USP32: variants seen among roughly 807,000 people sequenced by gnomAD.
USP32 encodes the protein ubiquitin specific peptidase 32.
USP32 carries 59 observed loss-of-function variants against 204.8 expected under a neutral mutation model. The ratio of observed to expected loss-of-function variants is 0.29; its 90% CI spans 0.23 to 0.36. The LOEUF (loss-of-function observed/expected upper bound fraction) is 0.36. USP32 is among the 10% of genes least tolerant of loss of function. The probability of loss-of-function intolerance (pLI) is 1.00; values close to 1 mark genes in which losing one functional copy is unlikely to be tolerated. For missense variants in USP32, 1,160 were observed against 1,946.4 expected, an observed-to-expected ratio of 0.60 and a Z score of 7.60; for synonymous variants, 517 against 678.4, an observed-to-expected ratio of 0.76 and a Z score of 3.70.
At chr17:60,197,831 G>A (rs1041907158) in intron 27 of USP32, among the ~76,000 whole-genome samples, 6 of 152,168 alleles carry the variant, frequency 3.9e-5, no homozygotes, top group African/African-American at 1.4e-4. Context: ...AAAAAAGAAT[G>A]ACATGGTATG....
In USP32 at chr17:60,297,169, G is replaced by A. The variant is rs372198767; in HGVS notation, c.293-2368C>T. On this transcript the variant is annotated intron_variant, in intron 3 of 33. Transcript: ENST00000300896. Reference sequence around the variant, plus strand: ...TCCCAGCACCTTGGGATGCCAAGACGAGAGAATCATTTGAGGCCAGGAGTT... The same window carrying A: ...TCCCAGCACCTTGGGATGCCAAGACAAGAGAATCATTTGAGGCCAGGAGTT... Among the ~76,000 whole-genome samples the A allele has an allele frequency of 1.4e-3, 211 of 152,240 alleles. 1 individual carries two copies. The highest frequency in any genetic ancestry group is 4.6e-3 in the African/African-American group (190 of 41,536).
intron 16 of USP32, among the ~76,000 whole-genome samples, chr17:60,218,288 G>A (rs1047822228): frequency 6.6e-6 from 1 of 152,086 alleles, no homozygotes; most frequent in Non-Finnish European, 1.5e-5. Flanking sequence ...GGAGGCTGAG[G>A]CAGGAGAATG....
Position 60,401,607 on chromosome 17 carries a change from G to A in USP32, c.106+20639C>T, listed in dbSNP as rs577888276. ...AGTAGACCTCTGGGGGCTGGGTGCA[G>A]TGGCTCACACCTGTAGTTATCCCAG... On this transcript the variant is annotated intron_variant, in intron 1 of 3. Transcript: ENST00000588898. Among the ~76,000 whole-genome samples, 5 of 151,790 alleles carry A rather than the reference G, an allele frequency of 3.3e-5. No individual in the cohort carries two copies. The South Asian group carries it at 1.0e-3, about 32-fold the overall frequency.
chr17:60,192,391 C>G (rs1246814030), intron 28 of USP32, among the ~76,000 whole-genome samples: 1 of 152,110 alleles, frequency 6.6e-6, no homozygotes, highest in East Asian at 1.9e-4. Context: ...TTTATAAAAC[C>G]AGCTAAATCT....
At chr17:60,368,012 A>T (rs559928587) in intron 1 of USP32, among the ~76,000 whole-genome samples, 8 of 152,276 alleles carry the variant, frequency 5.3e-5, no homozygotes, top group Admixed American at 3.3e-4. Context: ...TGCAAATACT[A>T]CACCATTTTA....
intron 11 of USP32, among the ~76,000 whole-genome samples, chr17:60,240,439 G>C (rs1258859771): frequency 2.6e-5 from 4 of 152,018 alleles, no homozygotes; most frequent in African/African-American, 9.7e-5. Context: ...AGTGGGGAGA[G>C]GGAGAGAAGA....
chr17:60,185,970 T>C (rs1418907111), intron 29 of USP32: 2 of 208,860 alleles, frequency 9.6e-6, no homozygotes, highest in African/African-American at 4.5e-5. Flanking sequence ...GGAGGATTGC[T>C]TGAGCCTGGG....
At chr17:60,214,217 C>T (rs575329540) in intron 17 of USP32, among the ~76,000 whole-genome samples, 1 of 152,310 alleles carries the variant, frequency 6.6e-6, no homozygotes, top group African/African-American at 2.4e-5. Context: ...GATGGGATTA[C>T]AGGCGTGAGC....
chr17:60,199,477 G>A (rs546001512), intron 26 of USP32, among the ~76,000 whole-genome samples: 2 of 152,270 alleles, frequency 1.3e-5, no homozygotes, highest in African/African-American at 4.8e-5. Flanking sequence ...TAATGGAATG[G>A]TTGGTGGGAG....
chr17:60,416,463 C>T (rs1033047437), intron 1 of USP32, among the ~76,000 whole-genome samples: 10 of 152,006 alleles, frequency 6.6e-5, no homozygotes, highest in Admixed American at 1.3e-4. Flanking sequence ...CCCTCACCTG[C>T]CAGATGCCTA....
chr17:60,360,196 C>T (rs2089174005), intron 1 of USP32, among the ~76,000 whole-genome samples: 1 of 151,936 alleles, frequency 6.6e-6, no homozygotes, highest in Non-Finnish European at 1.5e-5. Flanking sequence ...TAAACCTGGC[C>T]AGGCACAGTG....
chr17:60,252,746 C>A (rs2086200863), intron 10 of USP32, among the ~76,000 whole-genome samples: 2 of 152,168 alleles, frequency 1.3e-5, no homozygotes, highest in African/African-American at 4.8e-5. Flanking sequence ...CAGAATAATT[C>A]TTCTGACACT....
intron 2 of USP32, among the ~76,000 whole-genome samples, chr17:60,325,291 G>A (rs1389500368): frequency 6.6e-6 from 1 of 152,022 alleles, no homozygotes; most frequent in African/African-American, 2.4e-5. Context: ...GTGTGCACCT[G>A]TAATCCCAGC....
intron 1 of USP32, among the ~76,000 whole-genome samples, chr17:60,407,144 C>T (rs1396277769): frequency 6.6e-6 from 1 of 152,210 alleles, no homozygotes; most frequent in Non-Finnish European, 1.5e-5. Context: ...GTGGCAATCT[C>T]ACTGAGGACG....
intron 1 of USP32, among the ~76,000 whole-genome samples, chr17:60,364,388 CTGTT>C (rs746506319): frequency 1.1e-4 from 16 of 152,132 alleles, no homozygotes; most frequent in Admixed American, 8.5e-4. Context: ...GAGGGGTTGT[CTGTT>C]TGTTTCAGAC....
At chr17:60,401,732 A>G (rs1251540752) in intron 1 of USP32, among the ~76,000 whole-genome samples, 1 of 152,024 alleles carries the variant, frequency 6.6e-6, no homozygotes, top group East Asian at 1.9e-4. Flanking sequence ...AAAAGAAAAA[A>G]AAAAAAAGAA....
At chr17:60,299,514 C>A (rs950315190) in intron 3 of USP32, among the ~76,000 whole-genome samples, 8 of 152,184 alleles carry the variant, frequency 5.3e-5, no homozygotes, top group African/African-American at 1.9e-4. Context: ...AAGCTCACTC[C>A]TGAGATAACA....
chr17:60,250,944 CT>C (rs1306897864), intron 11 of USP32, among the ~76,000 whole-genome samples: 1 of 150,792 alleles, frequency 6.6e-6, no homozygotes, highest in Non-Finnish European at 1.5e-5. Context: ...TTATTCCTTT[CT>C]TTTCTTTTTT....
intron 27 of USP32, among the ~76,000 whole-genome samples, chr17:60,196,270 CAAAAAAAGAAA>C (rs1447723554): frequency 7.7e-6 from 1 of 129,224 alleles, no homozygotes. Flanking sequence ...ATCCCCACGC[CAAAAAAAGAAA>C]AAAAAAAAAG....
Sources: allele counts gnomAD v4.1 joint callset (sites outside exome capture counted in the v4.1 genomes callset), GRCh38; gene constraint gnomAD v4.1.1; transcripts MANE v1.5; gene names NCBI Gene and HGNC (gene_info 2026-07-23, HGNC 2026-07-21).